Variants in XG observed in about 807,000 individuals in gnomAD.
XG encodes the protein Xg glycoprotein (Xg blood group), also known as glycoprotein Xg.
XG carries 24 observed loss-of-function variants against 25.7 expected under a neutral mutation model. That is an observed-to-expected ratio of 0.93 (90% CI 0.68 to 1.31). The LOEUF (loss-of-function observed/expected upper bound fraction) is 1.31. XG is among the 40% of genes most tolerant of loss of function. XG has a pLI of 0.00. For synonymous variants in XG, 77 were observed against 69.2 expected (o/e 1.11, Z -0.56); for missense variants, 181 against 187.6 (o/e 0.96, Z 0.21).
rs2050347993 is a variant in XG at position 2,752,312 on chromosome X, T to C, written c.38T>C (p.Leu13Pro). 6.2e-7 allele frequency: 1 copy of C among 1,613,588 alleles called. No individual in the cohort carries two copies. Among genetic ancestry groups the C allele is most frequent in the African/African-American group, 1.3e-5 (1 of 74,918 alleles). The change falls in exon 1 of 11, where the codon CTG becomes CCG. Residue 13 changes from leucine to proline, a missense_variant. By Grantham distance (98) the Leu-to-Pro change is moderately conservative. Transcript: ENST00000644266. ...TGGGGACTTCCCTGTCTTGCGTTCC[T>C]GTGTTTTCTAATGCACGCCCGAGGT... ...SWWGLPCLAF[L>P]CFLMHARGQR...
chrX:2,774,935 G>A lies in XG; in HGVS notation c.127+196G>A, dbSNP rs764004391. The stretch of plus-strand genomic sequence containing the variant: ...CACAACCACAGTGAAGCACCACTTC[G>A]TCCCCACTGAGATGGCTAAAATCTA... On this transcript the variant is annotated intron_variant, in intron 3 of 10. Transcript: ENST00000644266. 4.3e-5 allele frequency: 29 copies of A among 673,152 alleles called. No individual in the cohort carries two copies. The Middle Eastern group carries it at 7.8e-4, about 18-fold the overall frequency. 41.7% of individuals were successfully genotyped at this position (673,152 alleles called of 1,614,324 possible).
chrX:2,773,506 GGAAGGAAGGAGA>G (rs2050881772), intron 2 of XG, among the ~76,000 whole-genome samples: 1 of 142,272 alleles, frequency 7.0e-6, no homozygotes, highest in Non-Finnish European at 1.6e-5. Flanking sequence ...AAGGAGAGAA[GGAAGGAAGGAGA>G]GAAGGAAGGA....
rs1569040557 is a variant in XG, at chrX:2,789,714, G to A, written c.253+8G>A. On this transcript the variant is annotated splice_region_variant and intron_variant, in intron 5 of 10. Coordinates refer to ENST00000644266, the MANE Select transcript of XG (RefSeq NM_001141919.2). ...ATTCCGGCAACAGTGGAGGTAATGA[G>A]TATTTATTTATTTATTTTTATTTTA... 1.0e-6 allele frequency: 1 copy of A among 954,577 alleles called. No homozygotes were observed. Among genetic ancestry groups the A allele is most frequent in the Non-Finnish European group, 1.3e-6 (1 of 742,685 alleles). 78.7% of individuals were successfully genotyped at this position (954,577 alleles called of 1,213,427 possible).
At chrX:2,799,019 G>A (rs1393954465) in intron 7 of XG, among the ~76,000 whole-genome samples, 2 of 110,184 alleles carry the variant, frequency 1.8e-5, no homozygotes, top group Non-Finnish European at 3.8e-5. Flanking sequence ...AATTTATTGA[G>A]TGGATATACA....
chrX:2,784,818 T>C (rs748020382), intron 4 of XG, among the ~76,000 whole-genome samples: 26 of 112,243 alleles, frequency 2.3e-4, no homozygotes, highest in Non-Finnish European at 3.6e-4. Context: ...TTTCATGTTG[T>C]GCTTAAATCC....
intron 4 of XG, among the ~76,000 whole-genome samples, chrX:2,784,947 C>T (rs1038488835): frequency 1.8e-5 from 2 of 112,569 alleles, no homozygotes; most frequent in African/African-American, 6.4e-5. Context: ...AGGTTAAGGA[C>T]GTGCCCGTGA....
chrX:2,806,545 C>T (rs1345816134), intron 7 of XG, among the ~76,000 whole-genome samples, 156 bp from the exon 8 acceptor site: 3 of 110,842 alleles, frequency 2.7e-5, no homozygotes, highest in Non-Finnish European at 3.8e-5. Context: ...GGCCAGATGG[C>T]GCCTGTGCAC....
intron 4 of XG, 25 bp downstream of exon 4, chrX:2,782,153 C>CT: frequency 8.3e-7 from 1 of 1,204,651 alleles, no homozygotes; most frequent in Non-Finnish European, 1.1e-6. Flanking sequence ...GCCTGAAACT[C>CT]TTTCTCAATC....
chrX:2,775,386 C>T (rs906665690), intron 3 of XG, among the ~76,000 whole-genome samples: 22 of 152,166 alleles, frequency 1.4e-4, no homozygotes, highest in African/African-American at 4.6e-4. Flanking sequence ...CAAATGATCA[C>T]ATAATGTATA....
intron 3 of XG, among the ~76,000 whole-genome samples, chrX:2,781,770 C>A (rs2086730506): frequency 8.9e-5 from 10 of 112,329 alleles, no homozygotes; most frequent in Admixed American, 7.6e-4. Flanking sequence ...TCCTAGGTTT[C>A]TTTTTTATAT....
intron 4 of XG, among the ~76,000 whole-genome samples, chrX:2,785,107 G>T (rs1386773856): frequency 2.7e-5 from 3 of 111,924 alleles, no homozygotes; most frequent in Non-Finnish European, 5.6e-5. Context: ...GGAAGCAGGG[G>T]CTTCCAGGTC....
intron 2 of XG, 60 bp downstream of exon 2, chrX:2,770,651 C>G: frequency 6.2e-7 from 1 of 1,603,270 alleles, no homozygotes; most frequent in Non-Finnish European, 8.5e-7. Context: ...ACAGCATCAG[C>G]TGTATAGTTA....
At chrX:2,781,995 T>A in intron 3 of XG, 71 bp from the exon 4 acceptor site, 1 of 1,085,890 alleles carries the variant, frequency 9.2e-7, no homozygotes, top group Admixed American at 2.2e-5. Flanking sequence ...CTGATGAGCT[T>A]GTTTCTGCAG....
chrX:2,794,539 C>T lies in XG; in HGVS notation c.258C>T (p.Tyr86=), dbSNP rs752049440. The change falls in exon 6 of 11, where the codon TAC becomes TAT. Residue 86 remains tyrosine (Y), a synonymous_variant. Transcript: ENST00000644266. The stretch of plus-strand genomic sequence containing the variant: ...GCCGCGTGCTCTGCCCCACAGGTTA[C>T]TTCAATGATGTGGACCGTGATGACG... ...QPGNSGNSGG[Y]FNDVDRDDGR... The T allele has an allele frequency of 8.3e-7, 1 of 1,211,584 alleles. No homozygotes were observed. Among genetic ancestry groups the T allele is most frequent in the Non-Finnish European group, 1.1e-6 (1 of 895,330 alleles).
rs182895283 is a variant in XG at position 2,771,253 on chromosome X, C to T, written c.103+662C>T. The stretch of plus-strand genomic sequence containing the variant: ...ATCTCCCCAGTTTCTGCTTTTCTTA[C>T]ACTTCAGTTCATATCCCTCATTGTC... On this transcript the variant is annotated intron_variant, in intron 2 of 10. Coordinates refer to ENST00000644266, the MANE Select transcript of XG (RefSeq NM_001141919.2). Among the ~76,000 whole-genome samples the T allele has an allele frequency of 4.5e-4, 68 of 151,992 alleles. 1 individual carries two copies. Among genetic ancestry groups the T allele is most frequent in the East Asian group, 1.2e-3 (6 of 5,176 alleles).
chrX:2,792,180 G>C (rs1204541847), intron 5 of XG, among the ~76,000 whole-genome samples: 1 of 111,625 alleles, frequency 9.0e-6, no homozygotes, highest in Non-Finnish European at 1.9e-5. Context: ...TACTTGAGAG[G>C]CTGAGGCAGG....
intron 9 of XG, among the ~76,000 whole-genome samples, chrX:2,809,209 G>A (rs1464189080): frequency 1.8e-5 from 2 of 111,259 alleles, no homozygotes; most frequent in Admixed American, 9.6e-5. Flanking sequence ...TGGGGACACC[G>A]GAAATTGTGT....
chrX:2,755,690 G>A (rs1175263667), intron 1 of XG, among the ~76,000 whole-genome samples: 1 of 152,176 alleles, frequency 6.6e-6, no homozygotes, highest in East Asian at 1.9e-4. Context: ...GGACTGGAAG[G>A]AAAGTGAGGT....
At chrX:2,757,971 CA>C (rs59540338) in intron 1 of XG, among the ~76,000 whole-genome samples, 5,331 of 87,450 alleles carry the variant, frequency 0.061, 19 homozygotes, top group African/African-American at 0.1. Flanking sequence ...GACTCCATCT[CA>C]AAAAAAAAAA....
Sources: gnomAD v4.1 joint callset for allele counts (sites outside exome capture counted in the v4.1 genomes callset) on GRCh38, gnomAD v4.1.1 for gene constraint, MANE v1.5 for transcripts, NCBI Gene and HGNC (gene_info 2026-07-23, HGNC 2026-07-21) for gene names.